The following CRYBG1 variants were observed in gnomAD, a reference collection of about 807,000 sequenced individuals.
CRYBG1 encodes beta/gamma crystallin domain-containing protein 1.
In CRYBG1, 139 loss-of-function variants were observed where a neutral mutation model predicts 189.2. That is an observed-to-expected ratio of 0.73 (90% confidence interval 0.64 to 0.85). CRYBG1 has a LOEUF of 0.85. CRYBG1 is among the 40% of genes least tolerant of loss of function. The pLI is 0.00. For missense variants in CRYBG1, 2,611 were observed against 2,675.8 expected (o/e 0.98, Z 0.53); for synonymous variants, 1,023 against 1,017.1 (o/e 1.01, Z -0.11).
chr6:106,447,392 A>G (rs1221803959), intron 1 of CRYBG1, among the ~76,000 whole-genome samples: 2 of 152,154 alleles, frequency 1.3e-5, no homozygotes, highest in Non-Finnish European at 2.9e-5. Flanking sequence ...CAGGGTGACT[A>G]TAGTGATAAT....
Position 106,382,371 on chromosome 6 carries a change from T to G in CRYBG1, c.173+21290T>G, listed in dbSNP as rs1483223448. Among the ~76,000 whole-genome samples, 11 of 152,340 alleles carry G rather than the reference T, an allele frequency of 7.2e-5. No homozygotes were observed. In the South Asian group the frequency reaches 2.3e-3, roughly 32 times the overall value. On this transcript the variant is annotated intron_variant, in intron 1 of 21. Coordinates refer to ENST00000633556, the MANE Select transcript of CRYBG1 (RefSeq NM_001371242.2). ...AATTCTCTGGTATGTTGTAAAAGAA[T>G]ATTAGGAGATACAGAAATTTTTATT...
At chr6:106,412,590 G>A (rs1000313055) in intron 1 of CRYBG1, among the ~76,000 whole-genome samples, 3 of 152,274 alleles carry the variant, frequency 2.0e-5, no homozygotes, top group Non-Finnish European at 2.9e-5. Context: ...GCTTGTCATT[G>A]TTGCCAGGTT....
intron 1 of CRYBG1, among the ~76,000 whole-genome samples, chr6:106,415,587 A>G (rs1452307636): frequency 3.9e-5 from 6 of 152,006 alleles, no homozygotes; most frequent in Admixed American, 6.6e-5. Context: ...TTAGCCAGGC[A>G]TGGTGGTATA....
intron 3 of CRYBG1, among the ~76,000 whole-genome samples, 158 bp from the exon 4 acceptor site, chr6:106,518,973 G>GCGCACA (rs1305210970): frequency 1.4e-4 from 6 of 41,740 alleles, no homozygotes; most frequent in African/African-American, 6.9e-4. Flanking sequence ...ACACATGTGT[G>GCGCACA]CGCACACACA....
At chr6:106,417,405 C>T (rs922569941) in intron 1 of CRYBG1, among the ~76,000 whole-genome samples, 9 of 151,950 alleles carry the variant, frequency 5.9e-5, no homozygotes, top group African/African-American at 1.5e-4. Context: ...ACCCTACATG[C>T]CTCTCTTGAC....
intron 1 of CRYBG1, among the ~76,000 whole-genome samples, chr6:106,396,623 C>G (rs1770620216): frequency 6.6e-6 from 1 of 152,218 alleles, no homozygotes; most frequent in Non-Finnish European, 1.5e-5. Flanking sequence ...ACCACATGTA[C>G]AGACTGTGGA....
Position 106,561,329 on chromosome 6 carries a change from T to C in CRYBG1, c.5980-13T>C. ...CATCTGGTATAACAACTGCTGGGGG[T>C]TTTGTCTTCTAGAAGCGAATTTATT... is the stretch of plus-strand genomic sequence containing the variant. On this transcript the variant is annotated splice_polypyrimidine_tract_variant and intron_variant, in intron 19 of 21. Coordinates refer to ENST00000633556, the MANE Select transcript of CRYBG1 (RefSeq NM_001371242.2). 1 of 1,612,440 alleles carries C rather than the reference T, an allele frequency of 6.2e-7. No individual in the cohort carries two copies. Among genetic ancestry groups the C allele is most frequent in the Non-Finnish European group, 8.5e-7 (1 of 1,179,128 alleles).
In CRYBG1 at chr6:106,519,315, A is replaced by G. The variant is rs142232689; in HGVS notation, c.2107A>G (p.Asn703Asp). The G allele has an allele frequency of 6.4e-5, 104 of 1,614,156 alleles. No homozygotes were observed. The African/African-American group carries it at 1.3e-3, about 20-fold the overall frequency. Residue 703 changes from asparagine (N) to aspartate (D), a missense_variant, in exon 4 of 22, where the codon AAT becomes GAT. Physicochemically the swap from Asn to Asp is conservative, Grantham distance 23. This residue lies in a region of CRYBG1 where 1,622 missense variants were observed against 1,735.0 expected (regional missense o/e 0.93). Coordinates refer to ENST00000633556, the MANE Select transcript of CRYBG1 (RefSeq NM_001371242.2). ...PRHTDIRGQR[N>D]TPASSKTFVG... ...ACACACTGACATTCGAGGCCAAAGG[A>G]ATACTCCTGCCTCTAGTAAAACGTT...
At chr6:106,392,134 A>T (rs1434021466) in intron 1 of CRYBG1, among the ~76,000 whole-genome samples, 4 of 152,134 alleles carry the variant, frequency 2.6e-5, no homozygotes, top group Non-Finnish European at 5.9e-5. Context: ...AGTCCCCGCG[A>T]ATCTGTGTGG....
intron 1 of CRYBG1, among the ~76,000 whole-genome samples, chr6:106,397,013 G>A (rs965881581): frequency 3.3e-5 from 5 of 152,174 alleles, no homozygotes; most frequent in Non-Finnish European, 7.3e-5. Flanking sequence ...TTACGTCATG[G>A]TATGTAGAGA....
chr6:106,493,359 G>T (rs1772767215), intron 2 of CRYBG1, among the ~76,000 whole-genome samples: 1 of 152,186 alleles, frequency 6.6e-6, no homozygotes, highest in Non-Finnish European at 1.5e-5. Flanking sequence ...TGGTGAAGAT[G>T]TTGGGAAACT....
chr6:106,494,634 A>T (rs1417816451), intron 2 of CRYBG1, among the ~76,000 whole-genome samples: 1 of 152,222 alleles, frequency 6.6e-6, no homozygotes, highest in African/African-American at 2.4e-5. Context: ...AAAACTTCTG[A>T]TAAGACATAT....
chr6:106,472,411 G>T (rs1379674422), intron 2 of CRYBG1, among the ~76,000 whole-genome samples: 1 of 152,070 alleles, frequency 6.6e-6, no homozygotes, highest in Non-Finnish European at 1.5e-5. Context: ...ATCTTGATAG[G>T]TTAAACACTT....
chr6:106,435,663 G>A (rs975149678), intron 1 of CRYBG1, among the ~76,000 whole-genome samples: 4 of 151,964 alleles, frequency 2.6e-5, no homozygotes, highest in Admixed American at 6.6e-5. Context: ...GTGCAGTGGC[G>A]TGATCTTAGC....
intron 2 of CRYBG1, among the ~76,000 whole-genome samples, chr6:106,483,378 G>GTGTGTGTGTGTGTATA (rs1347885031): frequency 8.8e-6 from 1 of 113,692 alleles, no homozygotes; most frequent in African/African-American, 2.7e-5. Context: ...GTGTGTGTGT[G>GTGTGTGTGTGTGTATA]TATATATATA....
At chr6:106,452,072 A>G (rs573795017) in intron 2 of CRYBG1, among the ~76,000 whole-genome samples, 8 of 147,720 alleles carry the variant, frequency 5.4e-5, no homozygotes, top group African/African-American at 1.7e-4. Context: ...ATTATTATAT[A>G]TATCATATAT....
intron 2 of CRYBG1, among the ~76,000 whole-genome samples, chr6:106,478,842 G>A (rs1448695551): frequency 6.6e-6 from 1 of 152,252 alleles, no homozygotes; most frequent in Non-Finnish European, 1.5e-5. Context: ...GTTGTGAACT[G>A]TGTGTGCAAG....
At chr6:106,471,766 G>C (rs1772237081) in intron 2 of CRYBG1, among the ~76,000 whole-genome samples, 1 of 149,334 alleles carries the variant, frequency 6.7e-6, no homozygotes, top group African/African-American at 2.5e-5. Flanking sequence ...TCCAAAGGGT[G>C]TTTTAGCTCT....
intron 1 of CRYBG1, among the ~76,000 whole-genome samples, chr6:106,436,072 C>A (rs948552495): frequency 6.6e-6 from 1 of 152,100 alleles, no homozygotes; most frequent in Non-Finnish European, 1.5e-5. Flanking sequence ...CTATTACTGC[C>A]ACTCAAAATC....
Sources: gnomAD v4.1 joint callset for allele counts (sites outside exome capture counted in the v4.1 genomes callset) on GRCh38, gnomAD v4.1.1 for gene constraint, gnomAD v4.1.1 regional missense constraint, MANE v1.5 for transcripts, NCBI Gene and HGNC (gene_info 2026-07-23, HGNC 2026-07-21) for gene names.